TUSC3: variants seen among roughly 807,000 people sequenced by gnomAD.
TUSC3 encodes the protein tumor suppressor candidate 3, also known as dolichyl-diphosphooligosaccharide--protein glycosyltransferase subunit TUSC3.
In TUSC3, 45 loss-of-function variants were observed where a neutral mutation model predicts 44.8. That is an observed-to-expected ratio of 1.00 (90% confidence interval 0.79 to 1.29). The LOEUF is 1.29. Among genes scored for constraint, TUSC3 ranks in the 50% most tolerant of loss-of-function variants. TUSC3 has a pLI of 0.00. For synonymous variants in TUSC3, 212 were observed against 152.9 expected, an observed-to-expected ratio of 1.39 and a Z score of -2.85; for missense variants, 519 against 437.9, an observed-to-expected ratio of 1.19 and a Z score of -1.65.
At chr8:15,683,273 G>A (rs1297866543) in intron 6 of TUSC3, among the ~76,000 whole-genome samples, 4 of 152,220 alleles carry the variant, frequency 2.6e-5, no homozygotes, top group South Asian at 4.1e-4. Context: ...TCTTAAGAAC[G>A]CACAATGAAT....
chr8:15,461,033 A>G (rs182499410), intron 1 of TUSC3, among the ~76,000 whole-genome samples: 1 of 152,208 alleles, frequency 6.6e-6, no homozygotes, highest in African/African-American at 2.4e-5. Flanking sequence ...TTCCATATGA[A>G]TTTTAGAATT....
chr8:15,750,387 A>G (rs1421484157), intron 9 of TUSC3, among the ~76,000 whole-genome samples: 1 of 152,164 alleles, frequency 6.6e-6, no homozygotes, highest in African/African-American at 2.4e-5. Context: ...ATCATTCCCT[A>G]TCTAGATTAT....
At chr8:15,689,298 T>C in intron 6 of TUSC3, 1 of 320,598 alleles carries the variant, frequency 3.1e-6, no homozygotes, top group Non-Finnish European at 6.2e-6. Flanking sequence ...CTTGGACCAT[T>C]ACTTTCCTGG....
Position 15,563,645 on chromosome 8 carries a change from C to T in TUSC3, c.138+23077C>T, listed in dbSNP as rs370861347. On this transcript the variant is annotated intron_variant, in intron 1 of 10. Coordinates refer to ENST00000503731, the MANE Select transcript of TUSC3 (RefSeq NM_006765.4). ...AGGATTCAGTGAGCCCGGATTGTGC[C>T]ATAGCACTCCAGCCTGAGTGACAGA... is the stretch of plus-strand genomic sequence containing the variant. Among the ~76,000 whole-genome samples, 6 of 131,976 alleles carry T rather than the reference C, an allele frequency of 4.5e-5. 1 individual carries two copies. Among genetic ancestry groups the T allele is most frequent in the African/African-American group, 1.7e-4 (6 of 35,212 alleles). The allele number at this position is 131,976 out of a possible 152,430, so 86.6% of individuals were successfully genotyped here.
At chr8:15,489,364 A>G (rs1043100866) in intron 2 of TUSC3, among the ~76,000 whole-genome samples, 15 of 152,206 alleles carry the variant, frequency 9.9e-5, no homozygotes, top group African/African-American at 3.4e-4. Context: ...CAAGGTTCTT[A>G]TTATGCAGAT....
chr8:15,548,539 C>T (rs545371124), intron 1 of TUSC3, among the ~76,000 whole-genome samples: 8 of 151,882 alleles, frequency 5.3e-5, no homozygotes, highest in Non-Finnish European at 8.8e-5. Context: ...CGAAAGTACA[C>T]GCCTGAGGGC....
At chr8:15,750,917 A>C (rs980841668) in intron 9 of TUSC3, among the ~76,000 whole-genome samples, 1 of 152,034 alleles carries the variant, frequency 6.6e-6, no homozygotes, top group Non-Finnish European at 1.5e-5. Context: ...GAAATTTGAC[A>C]TAGTTTAGAT....
chr8:15,652,483 A>G (rs1806956384), intron 3 of TUSC3, among the ~76,000 whole-genome samples: 1 of 152,096 alleles, frequency 6.6e-6, no homozygotes, highest in Non-Finnish European at 1.5e-5. Flanking sequence ...TTTTGCTCCT[A>G]TGGTACCTAT....
At chr8:15,688,784 A>AT (rs1356692192) in intron 6 of TUSC3, 1 of 152,690 alleles carries the variant, frequency 6.5e-6, no homozygotes, top group African/African-American at 2.4e-5. Context: ...ATCACAAACA[A>AT]TGATCAGCTC....
At chr8:15,818,805 T>G in the TUSC3 span, among the ~76,000 whole-genome samples, 1 of 152,238 alleles carries the variant, frequency 6.6e-6, no homozygotes, top group Non-Finnish European at 1.5e-5. Context: ...CTGCCCCTAC[T>G]CAGGAAAATC....
rs999465997 is a variant in TUSC3 at position 15,643,100 on chromosome 8, G to C, written c.309-7597G>C. On this transcript the variant is annotated intron_variant, in intron 2 of 10. Transcript: ENST00000503731. ...TCACATGACCTGATGGCTTTATAAG[G>C]GGCTTTTCCGCCTTTGCTTGGCACT... Among the ~76,000 whole-genome samples the C allele has an allele frequency of 3.3e-5, 5 of 152,196 alleles. No individual in the cohort carries two copies. In the South Asian group the frequency reaches 8.3e-4, roughly 25 times the overall value.
intron 2 of TUSC3, among the ~76,000 whole-genome samples, chr8:15,503,228 A>T (rs2132129): frequency 2.4e-4 from 36 of 152,030 alleles, no homozygotes; most frequent in Admixed American, 7.2e-4. Flanking sequence ...GAGGAAAGAC[A>T]GTGGGAAGAC....
intron 1 of TUSC3, among the ~76,000 whole-genome samples, chr8:15,620,622 T>A (rs1307067157): frequency 6.6e-6 from 1 of 152,090 alleles, no homozygotes; most frequent in Non-Finnish European, 1.5e-5. Flanking sequence ...GAGTATGCAT[T>A]CTTGTGTTTT....
At chr8:15,542,514 GA>G (rs1563280694) in intron 1 of TUSC3, among the ~76,000 whole-genome samples, 1 of 151,946 alleles carries the variant, frequency 6.6e-6, no homozygotes, top group African/African-American at 2.4e-5. Context: ...GGCCCTTTCA[GA>G]TGGCTGGGGC....
At chr8:15,471,030 G>A (rs899997945) in intron 1 of TUSC3, among the ~76,000 whole-genome samples, 9 of 152,158 alleles carry the variant, frequency 5.9e-5, no homozygotes, top group African/African-American at 2.2e-4. Flanking sequence ...TCATAAAAAT[G>A]CAAGACAATA....
chr8:15,606,135 A>C (rs1338229109), intron 1 of TUSC3, among the ~76,000 whole-genome samples: 1 of 152,072 alleles, frequency 6.6e-6, no homozygotes, highest in Non-Finnish European at 1.5e-5. Flanking sequence ...CCATGACATT[A>C]CAAGAAAAAG....
intron 1 of TUSC3, among the ~76,000 whole-genome samples, chr8:15,619,764 C>A (rs1471561571): frequency 6.6e-6 from 1 of 152,170 alleles, no homozygotes; most frequent in Non-Finnish European, 1.5e-5. Flanking sequence ...CCTGCCTCGG[C>A]CTCCCAAAGT....
intron 1 of TUSC3, among the ~76,000 whole-genome samples, chr8:15,451,337 G>A (rs2129120342): frequency 6.6e-6 from 1 of 152,230 alleles, no homozygotes; most frequent in South Asian, 2.1e-4. Context: ...GGCCTCCTGG[G>A]TAGCTCAGAT....
chr8:15,795,653 C>T, the TUSC3 span, among the ~76,000 whole-genome samples: 5 of 152,150 alleles, frequency 3.3e-5, no homozygotes, highest in East Asian at 1.9e-4. Context: ...ACAGTTCTCA[C>T]GAGGACACAG....
Sources: allele counts gnomAD v4.1 joint callset (sites outside exome capture counted in the v4.1 genomes callset), GRCh38; gene constraint gnomAD v4.1.1; transcripts MANE v1.5; gene names NCBI Gene and HGNC (gene_info 2026-07-23, HGNC 2026-07-21).